HUNK: variants seen among roughly 807,000 people sequenced by gnomAD.
HUNK encodes hormonally up-regulated neu tumor-associated kinase.
A neutral mutation model predicts 61.0 loss-of-function variants in HUNK; 21 were observed. That is an observed-to-expected ratio of 0.34 (90% CI 0.24 to 0.50). The LOEUF is 0.50. Among genes scored for constraint, HUNK ranks in the 20% least tolerant of loss-of-function variants. The pLI, the probability that HUNK is intolerant of heterozygous loss-of-function variation, is 0.98. For synonymous variants in HUNK, 371 were observed against 386.1 expected, an observed-to-expected ratio of 0.96 and a Z score of 0.46; for missense variants, 772 against 945.7, an observed-to-expected ratio of 0.82 and a Z score of 2.41.
intron 9 of HUNK, among the ~76,000 whole-genome samples, chr21:31,994,867 G>A (rs563361519): frequency 1.2e-3 from 183 of 152,338 alleles, no homozygotes; most frequent in African/African-American, 4.3e-3. Flanking sequence ...CAAAAGAATG[G>A]CCACTGCCAA....
chr21:31,980,409 G>A (rs1387677243), intron 7 of HUNK, among the ~76,000 whole-genome samples: 2 of 127,502 alleles, frequency 1.6e-5, no homozygotes, highest in Admixed American at 8.9e-5. Context: ...ATGGAGTCTC[G>A]CTCTGTCACC....
intron 5 of HUNK, 111 bp from the exon 6 acceptor site, chr21:31,968,139 C>A: frequency 7.8e-7 from 1 of 1,275,626 alleles, no homozygotes; most frequent in Non-Finnish European, 1.1e-6. Flanking sequence ...ATCACCCCAG[C>A]AGTGACTCGG....
At chr21:31,906,645 G>T (rs1317445771) in intron 1 of HUNK, among the ~76,000 whole-genome samples, 3 of 152,026 alleles carry the variant, frequency 2.0e-5, no homozygotes, top group East Asian at 2.0e-4. Flanking sequence ...GCCCAGGCTG[G>T]TCTTGAACTC....
intron 4 of HUNK, among the ~76,000 whole-genome samples, chr21:31,947,617 T>A (rs975331569): frequency 6.6e-6 from 1 of 152,164 alleles, no homozygotes; most frequent in African/African-American, 2.4e-5. Flanking sequence ...GTTCCCAGGG[T>A]CTGGTACAGG....
intron 4 of HUNK, among the ~76,000 whole-genome samples, chr21:31,953,243 CTTT>C (rs397948129): frequency 3.7e-5 from 5 of 134,824 alleles, no homozygotes; most frequent in Non-Finnish European, 3.2e-5. Context: ...GGTTTCCATT[CTTT>C]TTTTTTTTTT....
chr21:31,889,749 T>C (rs2057170977), intron 1 of HUNK, among the ~76,000 whole-genome samples: 1 of 152,172 alleles, frequency 6.6e-6, no homozygotes, highest in African/African-American at 2.4e-5. Flanking sequence ...TACTCCCACC[T>C]AATTTATTAC....
chr21:31,973,192 C>G (rs2053024138), intron 6 of HUNK, among the ~76,000 whole-genome samples: 2 of 151,912 alleles, frequency 1.3e-5, no homozygotes, highest in Non-Finnish European at 2.9e-5. Flanking sequence ...CTTTTAAGTT[C>G]TAGGGTACAT....
rs1334309491 is a variant in HUNK at position 32,002,611 on chromosome 21, A to G, written c.*3427A>G. ...AGACTCTGAAAATGGCACACAAAGA[A>G]TGGCAGTTATGAACGTGACTTCTAG... On this transcript the variant is annotated 3_prime_UTR_variant, in exon 11 of 11. Coordinates refer to ENST00000270112, the MANE Select transcript of HUNK (RefSeq NM_014586.2). The G allele has an allele frequency of 6.6e-6, 1 of 152,226 alleles. No individual in the cohort carries two copies. Among genetic ancestry groups the G allele is most frequent in the Non-Finnish European group, 1.5e-5 (1 of 68,056 alleles). 9.4% of individuals were successfully genotyped at this position (152,226 alleles called of 1,614,324 possible). A position where few individuals can be genotyped will look rare whatever the true frequency, so the allele number is the denominator to read the frequency against.
chr21:31,900,303 T>C (rs1230956967), intron 1 of HUNK, among the ~76,000 whole-genome samples: 1 of 152,146 alleles, frequency 6.6e-6, no homozygotes, highest in Non-Finnish European at 1.5e-5. Context: ...TCTGCCCAGC[T>C]GGAGGTAGTT....
chr21:31,876,571 T>C (rs772603517), intron 1 of HUNK, among the ~76,000 whole-genome samples: 1 of 152,322 alleles, frequency 6.6e-6, no homozygotes, highest in Non-Finnish European at 1.5e-5. Flanking sequence ...AAAACAAAGA[T>C]GACCACAGCC....
intron 2 of HUNK, among the ~76,000 whole-genome samples, chr21:31,934,231 G>GGATCAC (rs2123823773): frequency 6.6e-6 from 1 of 152,034 alleles, no homozygotes; most frequent in Non-Finnish European, 1.5e-5. Flanking sequence ...TGAGGCGGGC[G>GGATCAC]GATCACGAGG....
chr21:31,878,565 T>C lies in HUNK; in HGVS notation c.261+4630T>C, dbSNP rs1170083635. Among the ~76,000 whole-genome samples the C allele has an allele frequency of 2.6e-5, 4 of 151,998 alleles. No homozygotes were observed. In the South Asian group the frequency reaches 6.2e-4, roughly 24 times the overall value. On this transcript the variant is annotated intron_variant, in intron 1 of 10. Coordinates refer to ENST00000270112, the MANE Select transcript of HUNK (RefSeq NM_014586.2). ...GCCTGGCCAACATGGAGAAACCCCA[T>C]CTCTACTAAAAACACAAAAATTAGC...
In HUNK at chr21:31,983,604, T is replaced by A; in HGVS notation, c.1252T>A (p.Tyr418Asn). Residue 418 changes from tyrosine to asparagine, a missense_variant, in exon 8 of 11, where the codon TAT becomes AAT. Physicochemically the swap from Tyr to Asn is moderately radical, Grantham distance 143 (BLOSUM62 -2). This residue lies in a region of HUNK where 413 missense variants were observed against 444.4 expected (regional missense o/e 0.93). Coordinates refer to ENST00000270112, the MANE Select transcript of HUNK (RefSeq NM_014586.2). ...AAAGTACAGGGCCCCCAAGGAGTCC[T>A]ATGAGGTGAGTGACCCCTGAAGCAA... ...IEKYRAPKES[Y>N]EASLDTWTRD... 3.7e-6 allele frequency: 6 copies of A among 1,611,880 alleles called. No homozygotes were observed. Among genetic ancestry groups the A allele is most frequent in the Non-Finnish European group, 5.1e-6 (6 of 1,178,380 alleles).
At chr21:31,913,680 G>A (rs2052561511) in intron 1 of HUNK, among the ~76,000 whole-genome samples, 1 of 151,880 alleles carries the variant, frequency 6.6e-6, no homozygotes, top group South Asian at 2.1e-4. Context: ...ACAGGCATTG[G>A]CACTCATGGG....
intron 4 of HUNK, among the ~76,000 whole-genome samples, chr21:31,949,064 A>G (rs1302795206): frequency 1.3e-5 from 2 of 152,204 alleles, no homozygotes; most frequent in Non-Finnish European, 2.9e-5. Flanking sequence ...CCCAGTTTGC[A>G]CGGATAGAAG....
intron 1 of HUNK, among the ~76,000 whole-genome samples, chr21:31,899,344 A>T (rs1039207289): frequency 6.6e-6 from 1 of 152,056 alleles, no homozygotes; most frequent in Admixed American, 6.5e-5. Flanking sequence ...TTTTCTTCCT[A>T]GCTCTGGTGG....
At chr21:31,921,756 G>A (rs932837669) in intron 1 of HUNK, among the ~76,000 whole-genome samples, 13 of 152,242 alleles carry the variant, frequency 8.5e-5, no homozygotes, top group Admixed American at 3.9e-4. Context: ...TTATTGATTC[G>A]TTCACTATTT....
intron 6 of HUNK, among the ~76,000 whole-genome samples, chr21:31,971,815 T>C (rs1601404592): frequency 6.8e-6 from 1 of 146,916 alleles, no homozygotes; most frequent in East Asian, 2.0e-4. Flanking sequence ...GCTCCCCTCC[T>C]GATCCAGGTG....
intron 2 of HUNK, among the ~76,000 whole-genome samples, chr21:31,936,853 G>T (rs2052736126): frequency 1.3e-5 from 2 of 151,688 alleles, no homozygotes; most frequent in Admixed American, 6.6e-5. Flanking sequence ...TATTGTTCTT[G>T]GCAGTTGCTG....
Sources: gnomAD v4.1 joint callset for allele counts (sites outside exome capture counted in the v4.1 genomes callset) on GRCh38, gnomAD v4.1.1 for gene constraint, gnomAD v4.1.1 regional missense constraint, MANE v1.5 for transcripts, NCBI Gene and HGNC (gene_info 2026-07-23, HGNC 2026-07-21) for gene names.